Variants in HIVEP1 observed in about 807,000 individuals in gnomAD.
HIVEP1 encodes zinc finger protein 40.
A neutral mutation model predicts 180.0 loss-of-function variants in HIVEP1; 36 were observed. The ratio of observed to expected loss-of-function variants is 0.20; its 90% confidence interval spans 0.15 to 0.26. HIVEP1 has a LOEUF of 0.26. Among genes scored for constraint, HIVEP1 ranks in the 10% least tolerant of loss-of-function variants. The pLI is 1.00. For missense variants in HIVEP1, 3,143 were observed against 3,268.7 expected, an observed-to-expected ratio of 0.96 and a Z score of 0.94; for synonymous variants, 1,239 against 1,239.0, an observed-to-expected ratio of 1.00 and a Z score of 0.00.
the HIVEP1 span, among the ~76,000 whole-genome samples, chr6:12,186,291 T>C: frequency 1.3e-5 from 2 of 150,500 alleles, no homozygotes; most frequent in Admixed American, 1.3e-4. Context: ...TAATTAATAA[T>C]AAAATGTATT....
At chr6:12,182,937 A>G in the HIVEP1 span, among the ~76,000 whole-genome samples, 2 of 152,192 alleles carry the variant, frequency 1.3e-5, no homozygotes, top group African/African-American at 4.8e-5. Flanking sequence ...CGGTGACTCA[A>G]GAAAGGATGC....
In HIVEP1 at chr6:12,120,240, G is replaced by A. The variant is rs761621674; in HGVS notation, c.445G>A (p.Glu149Lys). 38 of 1,614,028 alleles carry A rather than the reference G, an allele frequency of 2.4e-5. No individual in the cohort carries two copies. The Middle Eastern group carries it at 4.9e-4, about 21-fold the overall frequency. Reference sequence around the variant, plus strand: ...ATCTGAACTGCGTAGATGGAGATCCGAAGGCGCTGATCCTGCCAAATTCAG... The same window carrying A: ...ATCTGAACTGCGTAGATGGAGATCCAAAGGCGCTGATCCTGCCAAATTCAG... The part of the protein sequence containing the change: ...QPSELRRWRS[E>K]GADPAKFSDL... Residue 149 changes from glutamate to lysine, a missense_variant, in exon 4 of 9, where the codon GAA becomes AAA. By Grantham distance (56) the Glu-to-Lys change is moderately conservative. Transcript: ENST00000379388.
At chr6:12,052,057 G>A (rs9942538) in intron 2 of HIVEP1, among the ~76,000 whole-genome samples, 3,860 of 152,232 alleles carry the variant, frequency 0.025, 173 homozygotes, top group African/African-American at 0.088. Flanking sequence ...GAGGCTGCAC[G>A]GCTTTTGCTA....
intron 3 of HIVEP1, among the ~76,000 whole-genome samples, chr6:12,109,475 TTTG>T (rs1324636090): frequency 6.6e-6 from 1 of 152,246 alleles, no homozygotes; most frequent in African/African-American, 2.4e-5. Flanking sequence ...CTCTAAATCC[TTTG>T]TTGTCATTTC....
chr6:12,038,272 A>G (rs1293836422), intron 2 of HIVEP1: 1 of 152,258 alleles, frequency 6.6e-6, no homozygotes, highest in Non-Finnish European at 1.5e-5. Context: ...ATTTTGGTGT[A>G]ATTGTTTTTT....
Position 12,125,351 on chromosome 6 carries a change from A to G in HIVEP1, c.5556A>G (p.Ile1852Met), listed in dbSNP as rs1321822267. Residue 1852 changes from isoleucine to methionine, a missense_variant, in exon 4 of 9, where the codon ATA becomes ATG. Around this residue, in one of 12 missense-constraint regions of HIVEP1, gnomAD observed 1,357 missense variants for 1,260.5 expected, o/e 1.08. Coordinates refer to ENST00000379388, the MANE Select transcript of HIVEP1 (RefSeq NM_002114.4). ...GCSKFVVIEPISELQEFENIK... is the reference protein window; with the variant it reads ...GCSKFVVIEPMSELQEFENIK... ...CTAAATTTGTCGTTATAGAACCTAT[A>G]AGTGAATTGCAGGAATTTGAAAACA... 6.2e-7 allele frequency: 1 copy of G among 1,614,076 alleles called. No homozygotes were observed. Among genetic ancestry groups the G allele is most frequent in the Non-Finnish European group, 8.5e-7 (1 of 1,180,034 alleles).
At chr6:12,144,022 A>C (rs185620792) in intron 7 of HIVEP1, among the ~76,000 whole-genome samples, 47 of 152,346 alleles carry the variant, frequency 3.1e-4, no homozygotes, top group Non-Finnish European at 6.3e-4. Context: ...GGAACTGGAA[A>C]AAAACTACTT....
intron 3 of HIVEP1, among the ~76,000 whole-genome samples, chr6:12,094,979 T>C (rs748005862): frequency 1.3e-5 from 2 of 152,002 alleles, no homozygotes; most frequent in African/African-American, 2.4e-5. Context: ...TATTTTCTCT[T>C]CAGTTTTAGG....
chr6:12,025,584 T>C (rs1768527960), intron 2 of HIVEP1, among the ~76,000 whole-genome samples: 1 of 152,176 alleles, frequency 6.6e-6, no homozygotes, highest in Non-Finnish European at 1.5e-5. Flanking sequence ...GCTTAGAAAA[T>C]ATTTCTGGGG....
intron 7 of HIVEP1, among the ~76,000 whole-genome samples, chr6:12,144,711 G>C (rs2113626630): frequency 6.6e-6 from 1 of 152,204 alleles, no homozygotes; most frequent in South Asian, 2.1e-4. Context: ...GTGGGCAAAG[G>C]ATATGAACAG....
chr6:12,131,601 A>G (rs1208850472), intron 6 of HIVEP1, among the ~76,000 whole-genome samples: 2 of 151,684 alleles, frequency 1.3e-5, no homozygotes, highest in East Asian at 1.9e-4. Flanking sequence ...TTTGCCCTGT[A>G]CAAGTTTCTT....
intron 3 of HIVEP1, among the ~76,000 whole-genome samples, chr6:12,109,950 A>G (rs1355540020): frequency 6.6e-6 from 1 of 152,266 alleles, no homozygotes; most frequent in Non-Finnish European, 1.5e-5. Flanking sequence ...CGTGGGCTGA[A>G]AAATGGACAT....
At position 12,123,229 on chromosome 6, in the gene HIVEP1, C is replaced by T. The variant is rs1264360608; in HGVS notation, c.3434C>T (p.Pro1145Leu). The T allele has an allele frequency of 1.9e-6, 3 of 1,614,114 alleles. No individual in the cohort carries two copies. The highest frequency in any genetic ancestry group is 1.7e-5 in the Admixed American group (1 of 60,008). ...CAGCACACCAACTCCCTGAGCAGGC[C>T]CAACTCATTTGACAAGCCTGAGCCT... is the stretch of plus-strand genomic sequence containing the variant. ...VIQHTNSLSR[P>L]NSFDKPEPFE... The change falls in exon 4 of 9, where the codon CCC becomes CTC. Residue 1145 changes from proline to leucine, a missense_variant. By Grantham distance (98) the Pro-to-Leu change is moderately conservative. This residue lies in a region of HIVEP1 where 1,357 missense variants were observed against 1,260.5 expected (regional missense o/e 1.08). Transcript: ENST00000379388.
In HIVEP1 at chr6:12,129,795, T is replaced by A. The variant is rs1758317600; in HGVS notation, c.6112T>A (p.Phe2038Ile). 6.2e-7 allele frequency: 1 copy of A among 1,602,546 alleles called. No individual in the cohort carries two copies. Among genetic ancestry groups the A allele is most frequent in the African/African-American group, 1.3e-5 (1 of 74,680 alleles). Residue 2038 changes from phenylalanine (F) to isoleucine (I), a missense_variant, in exon 5 of 9, where the codon TTC (phenylalanine) becomes ATC (isoleucine). Around this residue, in one of 12 missense-constraint regions of HIVEP1, gnomAD observed 1,357 missense variants for 1,260.5 expected, o/e 1.08. Coordinates refer to ENST00000379388, the MANE Select transcript of HIVEP1 (RefSeq NM_002114.4). ...TAATCAAAAGTCCACAGTAGTTGAATTCAGCAATAAAGATGCCTCTGAAAT... is the reference window on the plus strand; with the variant it reads ...TAATCAAAAGTCCACAGTAGTTGAAATCAGCAATAAAGATGCCTCTGAAAT... ...LGNQKSTVVEFSNKDASEINS... is the reference protein window; with the variant it reads ...LGNQKSTVVEISNKDASEINS...
At chr6:12,013,358 GTATT>G (rs992269795) in intron 1 of HIVEP1, among the ~76,000 whole-genome samples, 41 of 152,148 alleles carry the variant, frequency 2.7e-4, no homozygotes, top group African/African-American at 9.9e-4. Context: ...GCTCCATGTA[GTATT>G]TATTTCTTTC....
intron 7 of HIVEP1, among the ~76,000 whole-genome samples, chr6:12,150,247 GTT>G (rs1759625738): frequency 6.6e-6 from 1 of 152,212 alleles, no homozygotes; most frequent in South Asian, 2.1e-4. Flanking sequence ...CTACATTTTA[GTT>G]TTCACCTTTT....
the HIVEP1 span, among the ~76,000 whole-genome samples, chr6:12,191,552 C>T: frequency 6.6e-6 from 1 of 152,066 alleles, no homozygotes; most frequent in Non-Finnish European, 1.5e-5. Context: ...CTGATTGTGC[C>T]ACTGCACTCC....
intron 3 of HIVEP1, among the ~76,000 whole-genome samples, chr6:12,104,330 T>C (rs1182864146): frequency 6.6e-6 from 1 of 151,900 alleles, no homozygotes; most frequent in African/African-American, 2.4e-5. Flanking sequence ...GGTCTCCTAA[T>C]ACTTTATTCT....
intron 2 of HIVEP1, among the ~76,000 whole-genome samples, chr6:12,028,901 G>A (rs1768754939): frequency 6.6e-6 from 1 of 152,130 alleles, no homozygotes; most frequent in Non-Finnish European, 1.5e-5. Context: ...TTGCTGGTCT[G>A]TTTTCTGGCT....
Sources: gnomAD v4.1 joint callset for allele counts (sites outside exome capture counted in the v4.1 genomes callset) on GRCh38, gnomAD v4.1.1 for gene constraint, gnomAD v4.1.1 regional missense constraint, MANE v1.5 for transcripts, NCBI Gene and HGNC (gene_info 2026-07-23, HGNC 2026-07-21) for gene names.